Variants in LGSN observed in about 807,000 individuals in gnomAD.
LGSN encodes the protein lengsin.
Under a neutral mutation model 19.5 loss-of-function variants are expected in LGSN, and 21 were observed. The ratio of observed to expected loss-of-function variants is 1.07; its 90% confidence interval spans 0.76 to 1.55. The LOEUF (loss-of-function observed/expected upper bound fraction) is 1.55, where lower values mean the gene tolerates loss of function less well. Among genes scored for constraint, LGSN ranks in the 40% most tolerant of loss-of-function variants. The pLI, the probability that LGSN is intolerant of heterozygous loss-of-function variation, is 0.00. For missense variants in LGSN, 673 were observed against 608.5 expected, an observed-to-expected ratio of 1.11 and a Z score of -1.12; for synonymous variants, 257 against 215.6, an observed-to-expected ratio of 1.19 and a Z score of -1.68.
chr6:63,364,106 A>G, the LGSN span, among the ~76,000 whole-genome samples: 942 of 152,358 alleles, frequency 6.2e-3, 7 homozygotes, highest in African/African-American at 0.021. Context: ...AATGGGCTAA[A>G]TGCTCTAATT....
the LGSN span, among the ~76,000 whole-genome samples, chr6:63,408,109 G>A: frequency 3.3e-5 from 5 of 152,144 alleles, no homozygotes; most frequent in Non-Finnish European, 5.9e-5. Context: ...ACTGCACAAG[G>A]TAATTTATAG....
At chr6:63,527,161 G>A in the LGSN span, among the ~76,000 whole-genome samples, 1 of 152,126 alleles carries the variant, frequency 6.6e-6, no homozygotes, top group Admixed American at 6.6e-5. Context: ...GGCTTGGATT[G>A]CCTTTCTTCT....
the LGSN span, among the ~76,000 whole-genome samples, chr6:63,530,369 T>C: frequency 6.6e-6 from 1 of 152,184 alleles, no homozygotes; most frequent in Non-Finnish European, 1.5e-5. Flanking sequence ...TATATGATGG[T>C]ACTGGAAGGC....
chr6:63,408,159 T>C, the LGSN span, among the ~76,000 whole-genome samples: 3 of 152,276 alleles, frequency 2.0e-5, no homozygotes, highest in Admixed American at 1.3e-4. Context: ...TGACTTTCTT[T>C]GCAGAATTGG....
the LGSN span, among the ~76,000 whole-genome samples, chr6:63,438,512 AAAAC>A: frequency 1.3e-5 from 2 of 152,270 alleles, no homozygotes; most frequent in South Asian, 2.1e-4. Flanking sequence ...TTACAAGAAA[AAAAC>A]AAACAACCCC....
intron 2 of LGSN, among the ~76,000 whole-genome samples, chr6:63,287,163 TG>T (rs1767571367): frequency 7.1e-6 from 1 of 141,596 alleles, no homozygotes; most frequent in Non-Finnish European, 1.5e-5. Context: ...AACAAATTAC[TG>T]TTTCCACATA....
the LGSN span, among the ~76,000 whole-genome samples, chr6:63,488,407 C>T: frequency 6.6e-6 from 1 of 152,146 alleles, no homozygotes; most frequent in Admixed American, 6.6e-5. Context: ...TCAGGTTGAT[C>T]GATCCCCTTT....
At chr6:63,365,938 T>A in the LGSN span, among the ~76,000 whole-genome samples, 3 of 152,198 alleles carry the variant, frequency 2.0e-5, no homozygotes, top group Admixed American at 2.0e-4. Flanking sequence ...GGGATGTATC[T>A]CAAAATAATA....
chr6:63,357,439 A>G, the LGSN span, among the ~76,000 whole-genome samples: 33 of 148,912 alleles, frequency 2.2e-4, no homozygotes, highest in Admixed American at 9.8e-4. Context: ...AGTAGTTTAC[A>G]GTCCCACCAA....
the LGSN span, among the ~76,000 whole-genome samples, chr6:63,542,432 A>T: frequency 1.8e-4 from 27 of 152,268 alleles, no homozygotes; most frequent in African/African-American, 6.0e-4. Flanking sequence ...GAAATAAAAA[A>T]AAAAACTCTC....
the LGSN span, among the ~76,000 whole-genome samples, chr6:63,477,687 C>CTTTT: frequency 1.6e-4 from 10 of 61,052 alleles, no homozygotes; most frequent in African/African-American, 2.4e-4. Context: ...TTCTTTTTTT[C>CTTTT]TTTTTTTTTT....
chr6:63,389,240 C>A, the LGSN span, among the ~76,000 whole-genome samples: 1 of 152,050 alleles, frequency 6.6e-6, no homozygotes, highest in Non-Finnish European at 1.5e-5. Flanking sequence ...AATATAAGAA[C>A]AAATCAAAAA....
At chr6:63,340,315 G>C in the LGSN span, among the ~76,000 whole-genome samples, 1 of 152,024 alleles carries the variant, frequency 6.6e-6, no homozygotes, top group African/African-American at 2.4e-5. Context: ...TCTCTCTGAA[G>C]ATTTGGGAAG....
chr6:63,317,799 A>T (rs1284260890), intron 1 of LGSN, among the ~76,000 whole-genome samples: 1 of 152,192 alleles, frequency 6.6e-6, no homozygotes, highest in Non-Finnish European at 1.5e-5. Context: ...ACTTCACCCC[A>T]GATGGCATTC....
At chr6:63,466,902 A>C in the LGSN span, among the ~76,000 whole-genome samples, 2 of 152,166 alleles carry the variant, frequency 1.3e-5, no homozygotes, top group Non-Finnish European at 2.9e-5. Flanking sequence ...TTCAGGGGAA[A>C]GGTTTGGGTT....
At chr6:63,492,326 C>T in the LGSN span, among the ~76,000 whole-genome samples, 1 of 151,882 alleles carries the variant, frequency 6.6e-6, no homozygotes, top group African/African-American at 2.4e-5. Context: ...GTTATATAAG[C>T]TTATACTACC....
the LGSN span, among the ~76,000 whole-genome samples, chr6:63,468,973 C>A: frequency 6.6e-6 from 1 of 151,684 alleles, no homozygotes; most frequent in Non-Finnish European, 1.5e-5. Context: ...AGTCTCGAAT[C>A]CTGACCTCAA....
At chr6:63,361,046 T>C in the LGSN span, among the ~76,000 whole-genome samples, 1 of 152,212 alleles carries the variant, frequency 6.6e-6, no homozygotes, top group Non-Finnish European at 1.5e-5. Context: ...CCCAGCCATG[T>C]GAGGTGTCAG....
At chr6:63,501,313 G>T in the LGSN span, among the ~76,000 whole-genome samples, 1 of 149,132 alleles carries the variant, frequency 6.7e-6, no homozygotes, top group Non-Finnish European at 1.5e-5. Flanking sequence ...AGTGAGCCGA[G>T]ATTGTACCAT....
Sources: gnomAD v4.1 joint callset for allele counts (sites outside exome capture counted in the v4.1 genomes callset) on GRCh38, gnomAD v4.1.1 for gene constraint, MANE v1.5 for transcripts, NCBI Gene and HGNC (gene_info 2026-07-23, HGNC 2026-07-21) for gene names.